Variants in LEF1 observed in about 807,000 individuals in gnomAD.
LEF1 encodes lymphoid enhancer binding factor 1.
In LEF1, 14 loss-of-function variants were observed where a neutral mutation model predicts 51.2. That is an observed-to-expected ratio of 0.27 (90% CI 0.18 to 0.43). The LOEUF (loss-of-function observed/expected upper bound fraction) is 0.43. LEF1 is among the 20% of genes least tolerant of loss of function. The probability of loss-of-function intolerance (pLI) is 1.00; values close to 1 mark genes in which losing one functional copy is unlikely to be tolerated. For missense variants in LEF1, 386 were observed against 512.0 expected (o/e 0.75, Z 2.37); for synonymous variants, 185 against 183.2 (o/e 1.01, Z -0.08).
chr4:108,091,808 T>C (rs1390042473), intron 3 of LEF1, among the ~76,000 whole-genome samples: 1 of 152,212 alleles, frequency 6.6e-6, no homozygotes, highest in Admixed American at 6.5e-5. Flanking sequence ...AGGAGTTTAT[T>C]ATGAACTCTT....
chr4:108,155,549 G>A (rs1744635903), intron 3 of LEF1, among the ~76,000 whole-genome samples: 3 of 152,168 alleles, frequency 2.0e-5, no homozygotes, highest in African/African-American at 4.8e-5. Flanking sequence ...GGAGTTTCCC[G>A]GGTAGAGTCA....
intron 3 of LEF1, among the ~76,000 whole-genome samples, chr4:108,098,236 G>A (rs1578339818): frequency 6.6e-6 from 1 of 152,114 alleles, no homozygotes; most frequent in Non-Finnish European, 1.5e-5. Context: ...AGTTTAGAGG[G>A]TGGAAGGGCT....
At chr4:108,087,279 CT>C (rs1378850337) in intron 4 of LEF1, among the ~76,000 whole-genome samples, 1 of 152,050 alleles carries the variant, frequency 6.6e-6, no homozygotes, top group Non-Finnish European at 1.5e-5. Flanking sequence ...AAAACAGGAT[CT>C]TTTTTTAAAA....
intron 3 of LEF1, among the ~76,000 whole-genome samples, chr4:108,153,877 A>T (rs1566746): frequency 6.6e-6 from 1 of 152,166 alleles, no homozygotes; most frequent in Non-Finnish European, 1.5e-5. Context: ...AGTTGGTGGC[A>T]AAAAAGCAAG....
chr4:108,088,119 A>G (rs758366309), intron 4 of LEF1, among the ~76,000 whole-genome samples: 18 of 152,228 alleles, frequency 1.2e-4, no homozygotes, highest in Non-Finnish European at 2.1e-4. Flanking sequence ...ATTCTGTTTT[A>G]ACAAGGAAGG....
At position 108,107,065 on chromosome 4, in the gene LEF1, C is replaced by A. The variant is rs141798987; in HGVS notation, c.415-17808G>T. The stretch of plus-strand genomic sequence containing the variant: ...ACAAAAAAACCCCACATCTCACATG[C>A]CTCTTAAGATAAAAAGACTCATTGA... On this transcript the variant is annotated intron_variant, in intron 3 of 11. Transcript: ENST00000265165. Among the ~76,000 whole-genome samples the A allele has an allele frequency of 4.9e-3, 748 of 152,284 alleles. 3 individuals are homozygous for A. Among genetic ancestry groups the A allele is most frequent in the African/African-American group, 0.016 (683 of 41,550 alleles).
intron 3 of LEF1, among the ~76,000 whole-genome samples, chr4:108,109,036 T>C (rs1284737508): frequency 6.6e-6 from 1 of 152,230 alleles, no homozygotes; most frequent in African/African-American, 2.4e-5. Flanking sequence ...TTAACATTTC[T>C]ACCTAGGGAT....
intron 11 of LEF1, among the ~76,000 whole-genome samples, chr4:108,055,689 G>T (rs923639169): frequency 6.6e-6 from 1 of 152,148 alleles, no homozygotes; most frequent in Non-Finnish European, 1.5e-5. Context: ...TTTCAAGAGG[G>T]TTTTAATGAA....
intron 3 of LEF1, among the ~76,000 whole-genome samples, chr4:108,127,389 G>A (rs959907671): frequency 2.0e-5 from 3 of 152,192 alleles, no homozygotes; most frequent in African/African-American, 7.2e-5. Flanking sequence ...CTGCCTGAAT[G>A]CTGCTATATA....
intron 8 of LEF1, among the ~76,000 whole-genome samples, chr4:108,077,831 T>C (rs1041210545): frequency 6.6e-6 from 1 of 152,234 alleles, no homozygotes; most frequent in Non-Finnish European, 1.5e-5. Flanking sequence ...CTCCCCAAGT[T>C]TGCATTTTCA....
intron 8 of LEF1, among the ~76,000 whole-genome samples, chr4:108,073,468 T>A (rs1006250196): frequency 6.6e-6 from 1 of 151,840 alleles, no homozygotes; most frequent in Non-Finnish European, 1.5e-5. Flanking sequence ...GTTTTACCAA[T>A]AAGGAAAAAA....
intron 6 of LEF1, among the ~76,000 whole-genome samples, chr4:108,080,869 A>T (rs1447600163): frequency 6.6e-6 from 1 of 152,196 alleles, no homozygotes; most frequent in Non-Finnish European, 1.5e-5. Context: ...AGCTCCCTTG[A>T]CAAAGCCACA....
At position 108,048,589 on chromosome 4, in the gene LEF1, T is replaced by A. The variant is rs1160768943; in HGVS notation, c.*169A>T. The stretch of plus-strand genomic sequence containing the variant: ...CAGTGATTGTCTTTATGGATCAGCG[T>A]CTCTAGCAGTGACCTCAGGGTAAAA... On this transcript the variant is annotated 3_prime_UTR_variant, in exon 12 of 12. Transcript: ENST00000265165. 1 of 748,650 alleles carries A rather than the reference T, an allele frequency of 1.3e-6. No individual in the cohort carries two copies. The highest frequency in any genetic ancestry group is 2.1e-6 in the Non-Finnish European group (1 of 484,528). The allele number at this position is 748,650 out of a possible 1,614,324, so 46.4% of individuals were successfully genotyped here.
At chr4:108,132,165 A>C (rs889758902) in intron 3 of LEF1, among the ~76,000 whole-genome samples, 1 of 152,210 alleles carries the variant, frequency 6.6e-6, no homozygotes, top group Non-Finnish European at 1.5e-5. Flanking sequence ...AAAAAACATA[A>C]TTAACTAGTC....
At chr4:108,084,035 A>G (rs1012724827) in intron 4 of LEF1, among the ~76,000 whole-genome samples, 1 of 152,206 alleles carries the variant, frequency 6.6e-6, no homozygotes, top group Non-Finnish European at 1.5e-5. Flanking sequence ...TCTGGGCTGC[A>G]AGGTCAAGCT....
intron 7 of LEF1, among the ~76,000 whole-genome samples, chr4:108,078,963 A>G (rs1384994534): frequency 6.6e-6 from 1 of 152,192 alleles, no homozygotes; most frequent in African/African-American, 2.4e-5. Flanking sequence ...TTAAGAAACT[A>G]ATTACTCATC....
intron 11 of LEF1, among the ~76,000 whole-genome samples, chr4:108,059,432 TCA>T (rs1291702669): frequency 6.6e-6 from 1 of 152,014 alleles, no homozygotes; most frequent in African/African-American, 2.4e-5. Context: ...ATTCTCAATC[TCA>T]GTTTCCTGAG....
In LEF1 at chr4:108,157,179, T is replaced by TACACACACACACACAC. The variant is rs59867246; in HGVS notation, c.414+6373_414+6388dup. 5.5e-3 allele frequency among the ~76,000 whole-genome samples: 641 copies of TACACACACACACACAC among 116,768 alleles called. 5 individuals are homozygous for TACACACACACACACAC. Among genetic ancestry groups the TACACACACACACACAC allele is most frequent in the Middle Eastern group, 0.014 (3 of 210 alleles). 76.6% of individuals were successfully genotyped at this position (116,768 alleles called of 152,430 possible). On this transcript the variant is annotated intron_variant, in intron 3 of 11. Coordinates refer to ENST00000265165, the MANE Select transcript of LEF1 (RefSeq NM_016269.5). ...CTCTCTCTCTCTCTCTATATATATA[T>TACACACACACACACAC]ACACACACACACACACACACACACA...
chr4:108,145,442 T>C (rs1232057586), intron 3 of LEF1, among the ~76,000 whole-genome samples: 2 of 152,236 alleles, frequency 1.3e-5, no homozygotes, highest in Non-Finnish European at 2.9e-5. Flanking sequence ...ATAGTTCAGG[T>C]ATATAATTCA....
Sources: gnomAD v4.1 joint callset for allele counts (sites outside exome capture counted in the v4.1 genomes callset) on GRCh38, gnomAD v4.1.1 for gene constraint, MANE v1.5 for transcripts, NCBI Gene and HGNC (gene_info 2026-07-23, HGNC 2026-07-21) for gene names.